Variants in PEBP4 observed in about 807,000 individuals in gnomAD.
PEBP4 encodes the protein phosphatidylethanolamine-binding protein 4.
A neutral mutation model predicts 23.9 loss-of-function variants in PEBP4; 22 were observed. The observed-to-expected ratio is 0.92, with a 90% CI of 0.66 to 1.31. The LOEUF (loss-of-function observed/expected upper bound fraction) is 1.31, where lower values mean the gene tolerates loss of function less well. PEBP4 is among the 40% of genes most tolerant of loss of function. PEBP4 has a pLI of 0.00. For missense variants in PEBP4, 324 were observed against 281.7 expected (o/e 1.15, Z -1.07); for synonymous variants, 112 against 99.3 (o/e 1.13, Z -0.76).
intron 4 of PEBP4, among the ~76,000 whole-genome samples, chr8:22,742,500 A>C (rs1585247395): frequency 1.3e-5 from 2 of 152,262 alleles, no homozygotes; most frequent in East Asian, 3.9e-4. Context: ...CCCCTGCTGG[A>C]CTTTGTCACT....
chr8:22,810,022 T>G (rs1806584579), intron 4 of PEBP4, among the ~76,000 whole-genome samples: 1 of 152,246 alleles, frequency 6.6e-6, no homozygotes, highest in Non-Finnish European at 1.5e-5. Flanking sequence ...CAGTTCAAAT[T>G]CTTAGAAAGT....
intron 4 of PEBP4, among the ~76,000 whole-genome samples, chr8:22,784,342 C>G (rs377431307): frequency 2.6e-5 from 4 of 152,176 alleles, no homozygotes; most frequent in African/African-American, 9.7e-5. Flanking sequence ...GGTCAGGAAT[C>G]AAAGGCAAGA....
chr8:22,753,429 A>G (rs940001796), intron 4 of PEBP4, among the ~76,000 whole-genome samples: 2 of 152,222 alleles, frequency 1.3e-5, no homozygotes, highest in Non-Finnish European at 2.9e-5. Context: ...TTGTGCCTCA[A>G]ACTCTCTTGA....
intron 4 of PEBP4, among the ~76,000 whole-genome samples, chr8:22,733,776 G>C (rs959753311): frequency 2.3e-5 from 3 of 130,648 alleles, no homozygotes; most frequent in Non-Finnish European, 3.2e-5. Flanking sequence ...GAAATGTAGG[G>C]GTGGGGATGG....
intron 3 of PEBP4, among the ~76,000 whole-genome samples, chr8:22,860,724 T>C (rs7005929): frequency 0.72 from 109,454 of 152,088 alleles, 40,431 homozygotes; most frequent in South Asian, 0.82. Context: ...CCGTTACAAG[T>C]TAGTCATGTA....
intron 4 of PEBP4, chr8:22,798,710 T>G (rs1806314924): frequency 8.0e-6 from 1 of 124,446 alleles, no homozygotes; most frequent in Non-Finnish European, 1.7e-5. Context: ...CCATAAATTT[T>G]TTTTTCTTTT....
At chr8:22,899,197 C>A (rs1222829197) in intron 3 of PEBP4, among the ~76,000 whole-genome samples, 3 of 152,206 alleles carry the variant, frequency 2.0e-5, no homozygotes, top group Admixed American at 2.0e-4. Flanking sequence ...CCTGCCAGCC[C>A]AGCTCTCTGG....
intron 3 of PEBP4, among the ~76,000 whole-genome samples, chr8:22,834,004 C>T (rs1047109992): frequency 9.2e-5 from 14 of 152,198 alleles, no homozygotes; most frequent in African/African-American, 9.6e-5. Flanking sequence ...GAGCTCAGTT[C>T]GGTTCATTAG....
At chr8:22,728,319 G>T (rs992933978) in intron 4 of PEBP4, among the ~76,000 whole-genome samples, 1 of 152,122 alleles carries the variant, frequency 6.6e-6, no homozygotes, top group African/African-American at 2.4e-5. Context: ...ACTGCAGCTT[G>T]TCTATTATTG....
At chr8:22,924,462 C>T (rs1809280757) in intron 2 of PEBP4, among the ~76,000 whole-genome samples, 1 of 152,066 alleles carries the variant, frequency 6.6e-6, no homozygotes, top group Non-Finnish European at 1.5e-5. Flanking sequence ...GATGAAGGGG[C>T]AGGGCAGGGC....
chr8:22,774,119 C>T (rs542545987), intron 4 of PEBP4, among the ~76,000 whole-genome samples: 4 of 152,314 alleles, frequency 2.6e-5, no homozygotes, highest in East Asian at 1.9e-4. Context: ...AGTGCTCTGT[C>T]GATCACAGCA....
At chr8:22,863,157 C>T (rs1415204163) in intron 3 of PEBP4, among the ~76,000 whole-genome samples, 4 of 152,032 alleles carry the variant, frequency 2.6e-5, no homozygotes, top group South Asian at 2.1e-4. Flanking sequence ...CAGTGAAAGG[C>T]GGCTGTGGAA....
chr8:22,862,561 G>A (rs1807799509), intron 3 of PEBP4, among the ~76,000 whole-genome samples: 1 of 152,118 alleles, frequency 6.6e-6, no homozygotes, highest in Non-Finnish European at 1.5e-5. Flanking sequence ...GAGGGCTCTG[G>A]CAGTATTCAG....
chr8:22,713,555 C>T lies in PEBP4; in HGVS notation c.518-19G>A, dbSNP rs765421108. The T allele has an allele frequency of 6.2e-7, 1 of 1,614,046 alleles. No individual in the cohort carries two copies. Among genetic ancestry groups the T allele is most frequent in the South Asian group, 1.1e-5 (1 of 91,072 alleles). ...CAAGAGCCTGGAAGGACAAACAGAC[C>T]ACAGGGAGGCAGTGAGAAAGAGCCA... On this transcript the variant is annotated intron_variant, in intron 6 of 6. Coordinates refer to ENST00000256404, the MANE Select transcript of PEBP4 (RefSeq NM_144962.3).
chr8:22,893,827 CA>C (rs1808542996), intron 3 of PEBP4, among the ~76,000 whole-genome samples: 1 of 151,866 alleles, frequency 6.6e-6, no homozygotes, highest in Non-Finnish European at 1.5e-5. Context: ...TTCAAGTAGC[CA>C]AATATACATG....
intron 4 of PEBP4, among the ~76,000 whole-genome samples, chr8:22,777,629 G>T (rs572194458): frequency 1.3e-5 from 2 of 152,148 alleles, no homozygotes; most frequent in Non-Finnish European, 2.9e-5. Flanking sequence ...CTTCTCACTC[G>T]CCCTGCACGG....
chr8:22,776,302 A>G (rs1805814197), intron 4 of PEBP4, among the ~76,000 whole-genome samples: 1 of 152,102 alleles, frequency 6.6e-6, no homozygotes, highest in Non-Finnish European at 1.5e-5. Context: ...TTACTCATAG[A>G]TGAGATTTGG....
intron 3 of PEBP4, among the ~76,000 whole-genome samples, chr8:22,869,313 T>C (rs549082341): frequency 6.6e-6 from 1 of 152,334 alleles, no homozygotes; most frequent in East Asian, 1.9e-4. Flanking sequence ...TGTATGTTTT[T>C]CCCTATATAT....
chr8:22,809,991 G>A (rs538714616), intron 4 of PEBP4, among the ~76,000 whole-genome samples: 78 of 152,352 alleles, frequency 5.1e-4, no homozygotes, highest in African/African-American at 1.8e-3. Context: ...TCCTTGGTGG[G>A]ATATATGCTC....
Sources: allele counts gnomAD v4.1 joint callset (sites outside exome capture counted in the v4.1 genomes callset), GRCh38; gene constraint gnomAD v4.1.1; transcripts MANE v1.5; gene names NCBI Gene and HGNC (gene_info 2026-07-23, HGNC 2026-07-21).